Variants in CDH24 observed in about 807,000 individuals in gnomAD.
CDH24 encodes cadherin-24.
Under a neutral mutation model 71.2 loss-of-function variants are expected in CDH24, and 61 were observed. The ratio of observed to expected loss-of-function variants is 0.86; its 90% CI spans 0.70 to 1.06. The LOEUF (loss-of-function observed/expected upper bound fraction) is 1.06. Among genes scored for constraint, CDH24 ranks in the 50% least tolerant of loss-of-function variants. The pLI, the probability that CDH24 is intolerant of heterozygous loss-of-function variation, is 0.00. For synonymous variants in CDH24, 440 were observed against 470.2 expected, an observed-to-expected ratio of 0.94 and a Z score of 0.83; for missense variants, 961 against 1,083.7, an observed-to-expected ratio of 0.89 and a Z score of 1.59.
In CDH24 at chr14:23,049,138, A is replaced by G; in HGVS notation, c.1735T>C (p.Cys579Arg). Reference sequence around the variant, plus strand: ...GATGCCACAGAGCCGTCAGGCTGGCAGCGGCACACACTAACAGTCACTGTG... The same window carrying G: ...GATGCCACAGAGCCGTCAGGCTGGCGGCGGCACACACTAACAGTCACTGTG... Reference protein sequence around the residue: ...TATVTVSVCRCQPDGSVASCW... With the variant: ...TATVTVSVCRRQPDGSVASCW... Residue 579 changes from cysteine to arginine, a missense_variant, in exon 11 of 13, where the codon TGC becomes CGC. Cys to Arg is a radical substitution (Grantham distance 180). Coordinates refer to ENST00000487137, the MANE Select transcript of CDH24 (RefSeq NM_144985.4). 1 of 1,600,580 alleles carries G rather than the reference A, an allele frequency of 6.2e-7. No individual in the cohort carries two copies. Among genetic ancestry groups the G allele is most frequent in the Non-Finnish European group, 8.5e-7 (1 of 1,173,554 alleles).
In CDH24 at chr14:23,051,989, G is replaced by T; in HGVS notation, c.1363+484C>A. 1.3e-6 allele frequency: 2 copies of T among 1,580,996 alleles called. No homozygotes were observed. The highest frequency in any genetic ancestry group is 8.6e-7 in the Non-Finnish European group (1 of 1,161,530). On this transcript the variant is annotated intron_variant, in intron 8 of 12. Coordinates refer to ENST00000487137, the MANE Select transcript of CDH24 (RefSeq NM_144985.4). The surrounding 1 kb of genome is among the most constrained non-coding windows in gnomAD (Gnocchi z 4.4). ...CCCTACCTTGGGGGATTCCCACAGCGCTTCCAACAGGGCTTCTCTGGGGTG... is the reference window on the plus strand; with the variant it reads ...CCCTACCTTGGGGGATTCCCACAGCTCTTCCAACAGGGCTTCTCTGGGGTG...
At chr14:23,052,180 G>T in intron 8 of CDH24, 1 of 786,234 alleles carries the variant, frequency 1.3e-6, no homozygotes, top group Non-Finnish European at 2.2e-6. Flanking sequence ...GTCAGGTAAG[G>T]GAATGACTTG....
In CDH24 at chr14:23,048,178, GT is replaced by G; in HGVS notation, c.2147del (p.Asp716AlafsTer87). On this transcript the variant is annotated frameshift_variant, in exon 12 of 13. Coordinates refer to ENST00000487137, the MANE Select transcript of CDH24 (RefSeq NM_144985.4). LOFTEE classifies it high-confidence loss of function. ...LALRLREADE[D>X]PGVPPYDSVQ... Reference sequence around the variant, plus strand: ...CCGAGTCGTACGGGGGTACGCCGGGGTCCTCGTCCGCCTCGCGGAGCCGCAG... The same window carrying G: ...CCGAGTCGTACGGGGGTACGCCGGGGCCTCGTCCGCCTCGCGGAGCCGCAG... The G allele has an allele frequency of 1.5e-6, 2 of 1,347,072 alleles. No homozygotes were observed. Among genetic ancestry groups the G allele is most frequent in the Non-Finnish European group, 1.9e-6 (2 of 1,045,710 alleles). 83.4% of individuals were successfully genotyped at this position (1,347,072 alleles called of 1,614,324 possible).
Position 23,048,249 on chromosome 14 carries a change from G to C in CDH24, c.2077C>G (p.Gln693Glu), listed in dbSNP as rs1338314360. The C allele has an allele frequency of 1.1e-5, 16 of 1,395,700 alleles. No homozygotes were observed. The highest frequency in any genetic ancestry group is 9.5e-5 in the East Asian group (3 of 31,432). 86.5% of individuals were successfully genotyped at this position (1,395,700 alleles called of 1,614,324 possible). A position where few individuals can be genotyped will look rare whatever the true frequency, so the allele number is the denominator to read the frequency against. The change falls in exon 12 of 13, where the codon CAG becomes GAG. Residue 693 changes from glutamine to glutamate, a missense_variant. By Grantham distance (29) the Gln-to-Glu change is conservative. Around this residue, in one of 2 missense-constraint regions of CDH24, gnomAD observed 290 missense variants for 272.8 expected, o/e 1.06. Transcript: ENST00000487137. ...TCGGCGGGGCCGGGGGGTCTGGGCTGGCGCGACACCCGGGCCCGGGGCAAC... is the reference window on the plus strand; with the variant it reads ...TCGGCGGGGCCGGGGGGTCTGGGCTCGCGCGACACCCGGGCCCGGGGCAAC... ...DVLPRARVSR[Q>E]PRPPGPADVA... is the part of the protein sequence containing the mutation.
At position 23,055,191 on chromosome 14, in the gene CDH24, CG is replaced by C; in HGVS notation, c.363del (p.Val122TrpfsTer48). ...EKAQYVLLAQ[A>X]VDRASNRPLE... ...AGGGGCCGGTTGGAGGCTCGGTCCA[CG>C]GCTTGGGCCAGTAGCACATATTGCG... is the stretch of plus-strand genomic sequence containing the variant. On this transcript the variant is annotated frameshift_variant, in exon 3 of 13. Coordinates refer to ENST00000487137, the MANE Select transcript of CDH24 (RefSeq NM_144985.4). LOFTEE classifies it high-confidence loss of function. The surrounding 1 kb of genome is among the most constrained non-coding windows in gnomAD (Gnocchi z 4.1). 3 of 1,614,182 alleles carry C rather than the reference CG, an allele frequency of 1.9e-6. No individual in the cohort carries two copies. The highest frequency in any genetic ancestry group is 2.5e-6 in the Non-Finnish European group (3 of 1,180,024).
chr14:23,048,340 G>C lies in CDH24; in HGVS notation c.1986C>G (p.Ile662Met). The part of the protein sequence containing the change: ...GGEEDTEAFD[I>M]TALQNPDGAA... ...CCCCGTCCGGGTTCTGCAAGGCCGT[G>C]ATGTCGAAGGCCTCGGTGTCCTCCT... The change falls in exon 12 of 13, where the codon ATC becomes ATG. Residue 662 changes from isoleucine to methionine, a missense_variant. Physicochemically the swap from Ile to Met is conservative, Grantham distance 10. Transcript: ENST00000487137. 1 of 1,611,524 alleles carries C rather than the reference G, an allele frequency of 6.2e-7. No individual in the cohort carries two copies. Among genetic ancestry groups the C allele is most frequent in the Non-Finnish European group, 8.5e-7 (1 of 1,179,348 alleles).
At position 23,055,500 on chromosome 14, in the gene CDH24, T is replaced by G; in HGVS notation, c.201+33A>C. 1 of 1,609,580 alleles carries G rather than the reference T, an allele frequency of 6.2e-7. No individual in the cohort carries two copies. Among genetic ancestry groups the G allele is most frequent in the Non-Finnish European group, 8.5e-7 (1 of 1,177,056 alleles). On this transcript the variant is annotated intron_variant, in intron 2 of 12. Coordinates refer to ENST00000487137, the MANE Select transcript of CDH24 (RefSeq NM_144985.4). This position sits in a 1 kb window ranked among gnomAD's most constrained non-coding sequence, Gnocchi z 4.1. ...TGCAGGGCAGGGCCTGAGGGCTTGG[T>G]GTCAGAGTAGACATGGGAGGGGTCA...
In CDH24 at chr14:23,047,694, A is replaced by C; in HGVS notation, c.*286T>G. The stretch of plus-strand genomic sequence containing the variant: ...AAAACGCCACGGAGGAAGGAGAGGA[A>C]TCACAGTGAGAGATCGCAGGGCCAG... On this transcript the variant is annotated 3_prime_UTR_variant, in exon 12 of 13. Coordinates refer to ENST00000487137, the MANE Select transcript of CDH24 (RefSeq NM_144985.4). 27 of 274,568 alleles carry C rather than the reference A, an allele frequency of 9.8e-5. No individual in the cohort carries two copies. The highest frequency in any genetic ancestry group is 1.3e-4 in the East Asian group (2 of 15,502). 17.0% of individuals were successfully genotyped at this position (274,568 alleles called of 1,614,324 possible). A position where few individuals can be genotyped will look rare whatever the true frequency, so the allele number is the denominator to read the frequency against.
Position 23,049,781 on chromosome 14 carries a change from G to A in CDH24, c.1485+41C>T, listed in dbSNP as rs190871483. On this transcript the variant is annotated intron_variant, in intron 9 of 12. Coordinates refer to ENST00000487137, the MANE Select transcript of CDH24 (RefSeq NM_144985.4). ...GAGGCCTTGTATGGAGTGGGCTGCT[G>A]GAGGCCTGGACGTCCCAACCCCTCT... 2.3e-3 allele frequency: 3,692 copies of A among 1,612,730 alleles called. 10 individuals are homozygous for A. The highest frequency in any genetic ancestry group is 3.3e-3 in the Admixed American group (196 of 59,928).
chr14:23,048,234 C>G lies in CDH24; in HGVS notation c.2092G>C (p.Gly698Arg). 1 of 1,327,888 alleles carries G rather than the reference C, an allele frequency of 7.5e-7. No individual in the cohort carries two copies. Among genetic ancestry groups the G allele is most frequent in the South Asian group, 1.9e-5 (1 of 53,688 alleles). 82.3% of individuals were successfully genotyped at this position (1,327,888 alleles called of 1,614,324 possible). A position where few individuals can be genotyped will look rare whatever the true frequency, so the allele number is the denominator to read the frequency against. ...ARVSRQPRPP[G>R]PADVAQLLAL... ...AGGAGCTGCGCCACGTCGGCGGGGCCGGGGGGTCTGGGCTGGCGCGACACC... is the reference window on the plus strand; with the variant it reads ...AGGAGCTGCGCCACGTCGGCGGGGCGGGGGGGTCTGGGCTGGCGCGACACC... The change falls in exon 12 of 13, where the codon GGC becomes CGC. Residue 698 changes from glycine to arginine, a missense_variant. Transcript: ENST00000487137.
chr14:23,049,698 C>A lies in CDH24; in HGVS notation c.1526G>T (p.Gly509Val). 2 of 1,612,082 alleles carry A rather than the reference C, an allele frequency of 1.2e-6. No individual in the cohort carries two copies. The highest frequency in any genetic ancestry group is 1.7e-6 in the Non-Finnish European group (2 of 1,178,656). The change falls in exon 10 of 13, where the codon GGC (glycine) becomes GTC (valine). Residue 509 changes from glycine to valine, a missense_variant. By Grantham distance (109) the Gly-to-Val change is moderately radical. Around this residue, in one of 2 missense-constraint regions of CDH24, gnomAD observed 671 missense variants for 810.9 expected, o/e 0.83. Coordinates refer to ENST00000487137, the MANE Select transcript of CDH24 (RefSeq NM_144985.4). ...TTGAAAGGAGACATGGCTACTGTTGCCAACTTCATCTCTGTCCAGGGCCCG... is the reference window on the plus strand; with the variant it reads ...TTGAAAGGAGACATGGCTACTGTTGACAACTTCATCTCTGTCCAGGGCCCG... The part of the protein sequence containing the change: ...VIRALDRDEV[G>V]NSSHVSFQGP...
At chr14:23,049,588 C>T in intron 10 of CDH24, 39 bp downstream of exon 10, 1 of 1,218,962 alleles carries the variant, frequency 8.2e-7, no homozygotes, top group Non-Finnish European at 1.2e-6. Flanking sequence ...GAGAAGGGGA[C>T]AGAGGCAGGT....
chr14:23,053,885 G>A, intron 6 of CDH24, 136 bp from the exon 7 acceptor site: 1 of 959,572 alleles, frequency 1.0e-6, no homozygotes, highest in Non-Finnish European at 1.5e-6. Flanking sequence ...GGCACTGGAG[G>A]GACAGTGGCC....
In CDH24 at chr14:23,055,460, C is replaced by T; in HGVS notation, c.201+73G>A. On this transcript the variant is annotated intron_variant, in intron 2 of 12. Transcript: ENST00000487137. The surrounding 1 kb of genome is among the most constrained non-coding windows in gnomAD (Gnocchi z 4.1). ...GAGTCCTGAGGGACCAAGGTCATTGCAGAAGTGATGAAGTTGCAGGGCAGG... is the reference window on the plus strand; with the variant it reads ...GAGTCCTGAGGGACCAAGGTCATTGTAGAAGTGATGAAGTTGCAGGGCAGG... 6.3e-7 allele frequency: 1 copy of T among 1,593,164 alleles called. No homozygotes were observed. Among genetic ancestry groups the T allele is most frequent in the Non-Finnish European group, 8.6e-7 (1 of 1,167,066 alleles).
rs1434457123 is a variant in CDH24 at position 23,054,517 on chromosome 14, T to C, written c.773A>G (p.Lys258Arg). Residue 258 changes from lysine (K) to arginine (R), a missense_variant, in exon 5 of 13, where the codon AAG becomes AGG. Lys to Arg is a conservative substitution (Grantham distance 26). Coordinates refer to ENST00000487137, the MANE Select transcript of CDH24 (RefSeq NM_144985.4). This position sits in a 1 kb window ranked among gnomAD's most constrained non-coding sequence, Gnocchi z 5.2. Reference protein sequence around the residue: ...TLSDVNDNPPKFPQSLYQFSV... With the variant: ...TLSDVNDNPPRFPQSLYQFSV... ...CAATGGCCCCTTACTCTGTGGGAAC[T>C]TGGGGGGGTTGTCGTTGACATCGCT... The C allele has an allele frequency of 6.2e-7, 1 of 1,613,202 alleles. No homozygotes were observed. Among genetic ancestry groups the C allele is most frequent in the Admixed American group, 1.7e-5 (1 of 59,954 alleles).
chr14:23,052,310 G>C, intron 8 of CDH24, 163 bp downstream of exon 8: 1 of 847,184 alleles, frequency 1.2e-6, no homozygotes. Context: ...CCAGATCCAG[G>C]CTAGGACTTG....
At chr14:23,052,049 A>G in intron 8 of CDH24, 1 of 1,577,960 alleles carries the variant, frequency 6.3e-7, no homozygotes, top group Non-Finnish European at 8.6e-7. Context: ...CAACCAGAAG[A>G]GGTACCCAGC....
rs1287350189 is a variant in CDH24, at chr14:23,051,993, C to A, written c.1363+480G>T. The A allele has an allele frequency of 3.8e-6, 6 of 1,585,836 alleles. No homozygotes were observed. The South Asian group carries it at 5.7e-5, about 15-fold the overall frequency. ...ACCTTGGGGGATTCCCACAGCGCTT[C>A]CAACAGGGCTTCTCTGGGGTGGGGC... On this transcript the variant is annotated intron_variant, in intron 8 of 12. Coordinates refer to ENST00000487137, the MANE Select transcript of CDH24 (RefSeq NM_144985.4). The surrounding 1 kb of genome is among the most constrained non-coding windows in gnomAD (Gnocchi z 4.4).
rs1317073329 is a variant in CDH24, at chr14:23,047,662, C to T, written c.*318G>A. On this transcript the variant is annotated 3_prime_UTR_variant, in exon 12 of 13. Transcript: ENST00000487137. ...AGACTATGTGTGAGCTTCAGAACTG[C>T]AGAGACAAAACGCCACGGAGGAAGG... 4 of 245,140 alleles carry T rather than the reference C, an allele frequency of 1.6e-5. No individual in the cohort carries two copies. Among genetic ancestry groups the T allele is most frequent in the Non-Finnish European group, 2.3e-5 (3 of 128,098 alleles). The allele number at this position is 245,140 out of a possible 1,614,324, so 15.2% of individuals were successfully genotyped here. A position where few individuals can be genotyped will look rare whatever the true frequency, so the allele number is the denominator to read the frequency against.
Sources: allele counts gnomAD v4.1 joint callset, GRCh38; gene constraint gnomAD v4.1.1; regional missense constraint gnomAD v4.1.1; non-coding constraint Gnocchi (gnomAD v3.1); transcripts MANE v1.5; gene names NCBI Gene and HGNC (gene_info 2026-07-23, HGNC 2026-07-21).